RGS6: variants seen among roughly 807,000 people sequenced by gnomAD.
RGS6 encodes the protein regulator of G protein signaling 6, also known as regulator of G-protein signaling 6.
Under a neutral mutation model 78.5 loss-of-function variants are expected in RGS6, and 30 were observed. That is an observed-to-expected ratio of 0.38 (90% confidence interval 0.29 to 0.52). The LOEUF is 0.52. RGS6 is among the 20% of genes least tolerant of loss of function. The pLI is 0.85. For synonymous variants in RGS6, 206 were observed against 206.0 expected (o/e 1.00, Z 0.00); for missense variants, 495 against 609.7 (o/e 0.81, Z 1.98).
At chr14:72,284,875 C>G (rs566922980) in intron 2 of RGS6, among the ~76,000 whole-genome samples, 2 of 152,344 alleles carry the variant, frequency 1.3e-5, no homozygotes, top group South Asian at 4.1e-4. Context: ...CCACCTCTTG[C>G]ATCGGCGTGA....
intron 3 of RGS6, among the ~76,000 whole-genome samples, chr14:72,378,195 GGACACAGCAAAAGCTA>G (rs1336871562): frequency 6.6e-6 from 1 of 151,802 alleles, no homozygotes; most frequent in Non-Finnish European, 1.5e-5. Flanking sequence ...AAAACGTACG[GGACACAGCAAAAGCTA>G]TATTACAGGC....
the RGS6 span, among the ~76,000 whole-genome samples, chr14:71,911,757 T>A: frequency 2.6e-5 from 4 of 152,214 alleles, no homozygotes; most frequent in Admixed American, 2.6e-4. Flanking sequence ...GAATGCAGCC[T>A]GCTGGCTGGC....
chr14:71,986,796 A>G lies in RGS6; in HGVS notation c.84+21921A>G, dbSNP rs528041929. On this transcript the variant is annotated intron_variant, in intron 2 of 17. Transcript: ENST00000553525. The stretch of plus-strand genomic sequence containing the variant: ...GTGAAAAATGATTTGGCAGAGCTGC[A>G]TGCCCTCAGGGGGCTCTAGGAGAAT... 4.6e-5 allele frequency among the ~76,000 whole-genome samples: 7 copies of G among 152,344 alleles called. No homozygotes were observed. The South Asian group carries it at 1.2e-3, about 27-fold the overall frequency.
intron 15 of RGS6, among the ~76,000 whole-genome samples, chr14:72,530,805 C>T (rs2097172659): frequency 6.6e-6 from 1 of 152,254 alleles, no homozygotes; most frequent in East Asian, 1.9e-4. Context: ...GATTTTCATG[C>T]TCCTCTGAGC....
At position 71,932,561 on chromosome 14, in the gene RGS6, C is replaced by G. The variant is rs1034922356; in HGVS notation, c.-401C>G. On this transcript the variant is annotated 5_prime_UTR_variant, in exon 1 of 18. Coordinates refer to ENST00000553525, the MANE Select transcript of RGS6 (RefSeq NM_001204424.2). Reference sequence around the variant, plus strand: ...GGGAACGGACAGACCTCCGCGCACCCTTGCCGACCGGGGCGGGCAGAGGCG... The same window carrying G: ...GGGAACGGACAGACCTCCGCGCACCGTTGCCGACCGGGGCGGGCAGAGGCG... 5.3e-5 allele frequency: 8 copies of G among 152,152 alleles called. No individual in the cohort carries two copies. The highest frequency in any genetic ancestry group is 1.9e-4 in the African/African-American group (8 of 41,448). The allele number at this position is 152,152 out of a possible 1,614,324, so 9.4% of individuals were successfully genotyped here. A position where few individuals can be genotyped will look rare whatever the true frequency, so the allele number is the denominator to read the frequency against.
chr14:72,234,433 C>T (rs2050468553), intron 2 of RGS6, among the ~76,000 whole-genome samples: 1 of 152,082 alleles, frequency 6.6e-6, no homozygotes, highest in African/African-American at 2.4e-5. Flanking sequence ...AAAAACAATT[C>T]TGTGAACCAG....
At chr14:72,446,626 G>T (rs532366663) in intron 3 of RGS6, among the ~76,000 whole-genome samples, 1 of 152,280 alleles carries the variant, frequency 6.6e-6, no homozygotes, top group East Asian at 1.9e-4. Flanking sequence ...TACATTTATT[G>T]TGTACTTTAT....
intron 1 of RGS6, among the ~76,000 whole-genome samples, chr14:71,950,573 A>T (rs1239517869): frequency 6.6e-6 from 1 of 152,150 alleles, no homozygotes; most frequent in African/African-American, 2.4e-5. Context: ...TTGAGAAATG[A>T]GATATAATTA....
intron 16 of RGS6, chr14:72,537,745 C>G: frequency 1.7e-6 from 1 of 596,834 alleles, no homozygotes; most frequent in Non-Finnish European, 3.0e-6. Flanking sequence ...TTCTGTGGCT[C>G]AAGACCCCTG....
chr14:71,877,659 T>C, the RGS6 span, among the ~76,000 whole-genome samples: 1 of 152,256 alleles, frequency 6.6e-6, no homozygotes, highest in Non-Finnish European at 1.5e-5. Context: ...TTATTACCGA[T>C]TGTCTCAAGC....
chr14:72,183,229 C>T (rs2097197562), intron 2 of RGS6, among the ~76,000 whole-genome samples: 1 of 152,202 alleles, frequency 6.6e-6, no homozygotes, highest in Non-Finnish European at 1.5e-5. Context: ...CTCTCCATTT[C>T]TGCTGGGAAA....
chr14:72,267,208 C>T (rs2059210703), intron 2 of RGS6, among the ~76,000 whole-genome samples: 1 of 152,206 alleles, frequency 6.6e-6, no homozygotes, highest in Non-Finnish European at 1.5e-5. Flanking sequence ...GCCTCAGTCT[C>T]CCAAAGTGCT....
At chr14:72,147,580 C>A (rs551555795) in intron 2 of RGS6, among the ~76,000 whole-genome samples, 15 of 152,316 alleles carry the variant, frequency 9.8e-5, no homozygotes, top group Admixed American at 7.8e-4. Context: ...AACACTGTTG[C>A]ATGGGGATTA....
chr14:72,569,590 G>A (rs1303873563), downstream of RGS6, among the ~76,000 whole-genome samples: 1 of 151,464 alleles, frequency 6.6e-6, no homozygotes, highest in East Asian at 2.0e-4. Context: ...TGAGGCACAA[G>A]AATCACTTGA....
intron 2 of RGS6, among the ~76,000 whole-genome samples, chr14:72,115,017 TACTA>T (rs1205048926): frequency 1.3e-5 from 2 of 152,212 alleles, no homozygotes; most frequent in Non-Finnish European, 2.9e-5. Flanking sequence ...ACAGATCATT[TACTA>T]ACTATCTGGA....
intron 2 of RGS6, among the ~76,000 whole-genome samples, chr14:72,226,721 G>A (rs1314543261): frequency 6.6e-6 from 1 of 152,190 alleles, no homozygotes; most frequent in Non-Finnish European, 1.5e-5. Flanking sequence ...TTGATTGATT[G>A]AGACAGAGTC....
intron 2 of RGS6, among the ~76,000 whole-genome samples, chr14:71,984,967 G>A (rs550432048): frequency 1.3e-5 from 2 of 152,102 alleles, no homozygotes; most frequent in African/African-American, 4.8e-5. Flanking sequence ...TTAACATTTT[G>A]GTCTCTTCCT....
intron 2 of RGS6, among the ~76,000 whole-genome samples, chr14:72,349,178 T>C (rs1295455621): frequency 6.6e-6 from 1 of 152,052 alleles, no homozygotes; most frequent in Non-Finnish European, 1.5e-5. Flanking sequence ...AAAATATATA[T>C]AAAATAAAAA....
At chr14:72,353,327 A>G (rs1162078366) in intron 3 of RGS6, among the ~76,000 whole-genome samples, 1 of 152,210 alleles carries the variant, frequency 6.6e-6, no homozygotes, top group African/African-American at 2.4e-5. Context: ...AAACAACCCA[A>G]ATGTCCTTCA....
Sources: allele counts gnomAD v4.1 joint callset (sites outside exome capture counted in the v4.1 genomes callset), GRCh38; gene constraint gnomAD v4.1.1; transcripts MANE v1.5; gene names NCBI Gene and HGNC (gene_info 2026-07-23, HGNC 2026-07-21).